Variants in CACNB3 observed in about 807,000 individuals in gnomAD.
CACNB3 encodes calcium voltage-gated channel auxiliary subunit beta 3, also known as voltage-dependent L-type calcium channel subunit beta-3.
CACNB3 carries 36 observed loss-of-function variants against 63.7 expected under a neutral mutation model. The ratio of observed to expected loss-of-function variants is 0.57; its 90% confidence interval spans 0.43 to 0.75. The LOEUF (loss-of-function observed/expected upper bound fraction) is 0.75. Among genes scored for constraint, CACNB3 ranks in the 30% least tolerant of loss-of-function variants. The probability of loss-of-function intolerance (pLI) is 0.00; values close to 1 mark genes in which losing one functional copy is unlikely to be tolerated. For missense variants in CACNB3, 493 were observed against 648.6 expected, an observed-to-expected ratio of 0.76 and a Z score of 2.61; for synonymous variants, 241 against 250.6, an observed-to-expected ratio of 0.96 and a Z score of 0.36.
chr12:48,816,378 G>A (rs911730263), upstream of CACNB3, among the ~76,000 whole-genome samples: 1 of 152,134 alleles, frequency 6.6e-6, no homozygotes, highest in African/African-American at 2.4e-5. Context: ...CCTCTCCCCT[G>A]ATCCTTTATT....
rs370053895 is a variant in CACNB3, at chr12:48,823,360, A to G, written c.62A>G (p.Tyr21Cys). Residue 21 changes from tyrosine to cysteine, a missense_variant, in exon 2 of 13, where the codon TAC becomes TGC. Coordinates refer to ENST00000301050, the MANE Select transcript of CACNB3 (RefSeq NM_000725.4). The surrounding 1 kb of genome is among the most constrained non-coding windows in gnomAD (Gnocchi z 4.2). ...EDSEAGSADSYTSRPSLDSDV... is the reference protein window; with the variant it reads ...EDSEAGSADSCTSRPSLDSDV... ...CCAACCCAGGGTTCAGCCGACTCCTACACCAGCCGCCCATCTCTGGACTCA... is the reference window on the plus strand; with the variant it reads ...CCAACCCAGGGTTCAGCCGACTCCTGCACCAGCCGCCCATCTCTGGACTCA... The G allele has an allele frequency of 1.2e-5, 20 of 1,614,100 alleles. No individual in the cohort carries two copies. The African/African-American group carries it at 2.4e-4, about 19-fold the overall frequency.
chr12:48,822,457 C>T (rs1326682776), intron 1 of CACNB3, among the ~76,000 whole-genome samples: 2 of 152,196 alleles, frequency 1.3e-5, no homozygotes, highest in Non-Finnish European at 2.9e-5. Flanking sequence ...GTTACCCCCT[C>T]CCCACATCCC....
At chr12:48,822,893 G>A (rs111722676) in intron 1 of CACNB3, among the ~76,000 whole-genome samples, 2 of 152,156 alleles carry the variant, frequency 1.3e-5, no homozygotes, top group African/African-American at 4.8e-5. Context: ...TGACTGTTGC[G>A]GCTGGCTGGA....
Position 48,824,695 on chromosome 12 carries a change from G to A in CACNB3, c.434G>A (p.Ser145Asn). The A allele has an allele frequency of 6.2e-7, 1 of 1,613,808 alleles. No homozygotes were observed. Among genetic ancestry groups the A allele is most frequent in the Non-Finnish European group, 8.5e-7 (1 of 1,179,984 alleles). The change falls in exon 5 of 13, where the codon AGT (serine) becomes AAT (asparagine). Residue 145 changes from serine to asparagine, a missense_variant. Coordinates refer to ENST00000301050, the MANE Select transcript of CACNB3 (RefSeq NM_000725.4). Reference protein sequence around the residue: ...ARRSGNPSSLSDIGNRRSPPP... With the variant: ...ARRSGNPSSLNDIGNRRSPPP... ...AGATCTGGGAACCCTTCCAGCCTGA[G>A]TGACATTGGCAACCGACGCTCCCCT...
chr12:48,824,846 G>T (rs1043727392), intron 5 of CACNB3, 103 bp from the exon 6 acceptor site: 125 of 1,527,630 alleles, frequency 8.2e-5, no homozygotes, highest in Non-Finnish European at 1.0e-4. Context: ...GGATTGGAAG[G>T]GGTGGGGAGA....
In CACNB3 at chr12:48,828,326, A is replaced by G; in HGVS notation, c.*427A>G. On this transcript the variant is annotated 3_prime_UTR_variant, in exon 13 of 13. Coordinates refer to ENST00000301050, the MANE Select transcript of CACNB3 (RefSeq NM_000725.4). ...AGAAACAAGGTCCCTGAGCAGGCACAAGTCCTGACAGTCAAGGGACTGCTT... is the reference window on the plus strand; with the variant it reads ...AGAAACAAGGTCCCTGAGCAGGCACGAGTCCTGACAGTCAAGGGACTGCTT... The G allele has an allele frequency of 3.3e-6, 1 of 306,280 alleles. No individual in the cohort carries two copies. Among genetic ancestry groups the G allele is most frequent in the Admixed American group, 4.3e-5 (1 of 23,424 alleles). 19.0% of individuals were successfully genotyped at this position (306,280 alleles called of 1,614,324 possible).
At chr12:48,817,814 T>TC (rs986756413), upstream of CACNB3, 8 of 152,298 alleles carry the variant, frequency 5.3e-5, no homozygotes, top group African/African-American at 1.9e-4. Flanking sequence ...CTGGCTTCTT[T>TC]CCCCTTCCCT....
In CACNB3 at chr12:48,825,675, A is replaced by C. The variant is rs774979566; in HGVS notation, c.648A>C (p.Arg216=). Reference sequence around the variant, plus strand: ...CCCACCCCAGGATCTCCATCACCCGAGTCACAGCCGACCTCTCCCTGGCAA... The same window carrying C: ...CCCACCCCAGGATCTCCATCACCCGCGTCACAGCCGACCTCTCCCTGGCAA... ...HRFDGRISIT[R]VTADLSLAKR... The change falls in exon 9 of 13, where the codon CGA becomes CGC. Residue 216 remains arginine, a synonymous_variant. Transcript: ENST00000301050. This position sits in a 1 kb window ranked among gnomAD's most constrained non-coding sequence, Gnocchi z 4.5. The C allele has an allele frequency of 1.9e-6, 3 of 1,614,108 alleles. No homozygotes were observed. In the South Asian group the frequency reaches 3.3e-5, roughly 18 times the overall value.
Position 48,823,328 on chromosome 12 carries a change from C to T in CACNB3, c.46-16C>T. On this transcript the variant is annotated splice_polypyrimidine_tract_variant and intron_variant, in intron 1 of 12. Transcript: ENST00000301050. This position sits in a 1 kb window ranked among gnomAD's most constrained non-coding sequence, Gnocchi z 4.2. ...CATGCCGGAGCCTGGGAGTCACAGCCTCTTTCCCAACCCAGGGTTCAGCCG... is the reference window on the plus strand; with the variant it reads ...CATGCCGGAGCCTGGGAGTCACAGCTTCTTTCCCAACCCAGGGTTCAGCCG... The T allele has an allele frequency of 6.2e-7, 1 of 1,612,498 alleles. No homozygotes were observed. Among genetic ancestry groups the T allele is most frequent in the South Asian group, 1.1e-5 (1 of 90,868 alleles).
chr12:48,824,099 C>G, intron 3 of CACNB3, 159 bp from the exon 4 acceptor site: 1 of 713,334 alleles, frequency 1.4e-6, no homozygotes, highest in South Asian at 1.9e-5. Context: ...GTGGCCCGAA[C>G]TTGGCTGTCC....
At position 48,824,690 on chromosome 12, in the gene CACNB3, C is replaced by T. The variant is rs1408321726; in HGVS notation, c.429C>T (p.Ser143=). 1 of 1,613,846 alleles carries T rather than the reference C, an allele frequency of 6.2e-7. No individual in the cohort carries two copies. The highest frequency in any genetic ancestry group is 8.5e-7 in the Non-Finnish European group (1 of 1,179,968). Reference sequence around the variant, plus strand: ...TCAGGAGATCTGGGAACCCTTCCAGCCTGAGTGACATTGGCAACCGACGCT... The same window carrying T: ...TCAGGAGATCTGGGAACCCTTCCAGTCTGAGTGACATTGGCAACCGACGCT... ...QKARRSGNPS[S]LSDIGNRRSP... is the part of the protein sequence containing the mutation. Residue 143 remains serine (S), a synonymous_variant, in exon 5 of 13, where the codon AGC becomes AGT. Coordinates refer to ENST00000301050, the MANE Select transcript of CACNB3 (RefSeq NM_000725.4).
chr12:48,818,232 C>T (rs1404077239), upstream of CACNB3, among the ~76,000 whole-genome samples: 2 of 152,118 alleles, frequency 1.3e-5, no homozygotes, highest in Non-Finnish European at 2.9e-5. The surrounding 1 kb of genome is among the most constrained non-coding windows in gnomAD (Gnocchi z 4.3). Flanking sequence ...TCCCGCGCCT[C>T]TTCTGTCTCC....
chr12:48,826,871 G>A lies in CACNB3; in HGVS notation c.990+17G>A, dbSNP rs1310440096. 1 of 1,613,006 alleles carries A rather than the reference G, an allele frequency of 6.2e-7. No individual in the cohort carries two copies. Among genetic ancestry groups the A allele is most frequent in the East Asian group, 2.2e-5 (1 of 44,876 alleles). On this transcript the variant is annotated intron_variant, in intron 11 of 12. Coordinates refer to ENST00000301050, the MANE Select transcript of CACNB3 (RefSeq NM_000725.4). The surrounding 1 kb of genome is among the most constrained non-coding windows in gnomAD (Gnocchi z 4.8). ...TGCCCACCGGTGAGTGCCTGGGTCA[G>A]CTGCTCCTGTGCCCACTCCCCCAGG...
In CACNB3 at chr12:48,827,036, G is replaced by A. The variant is rs749233801; in HGVS notation, c.1053G>A (p.Glu351=). The part of the protein sequence containing the change: ...QLEDACEHLA[E]YLEVYWRATH... ...AGGATGCCTGTGAGCACCTGGCTGA[G>A]TACCTGGAGGTTTACTGGCGGGCCA... The change falls in exon 12 of 13, where the codon GAG becomes GAA. Residue 351 remains glutamate, a synonymous_variant. Coordinates refer to ENST00000301050, the MANE Select transcript of CACNB3 (RefSeq NM_000725.4). 41 of 1,613,974 alleles carry A rather than the reference G, an allele frequency of 2.5e-5. No individual in the cohort carries two copies. In the East Asian group the frequency reaches 8.0e-4, roughly 32 times the overall value.
chr12:48,824,824 G>A (rs1461486083), intron 5 of CACNB3, 91 bp downstream of exon 5: 1 of 1,541,324 alleles, frequency 6.5e-7, no homozygotes. Flanking sequence ...TGTGTGGGAA[G>A]GGTTTGTGGA....
rs369359075 is a variant in CACNB3, at chr12:48,823,419, C to T, written c.121C>T (p.Arg41Trp). ...VSLEEDRESA[R>W]REVESQAQQQ... Reference sequence around the variant, plus strand: ...CCTGGAGGAGGACCGGGAGAGTGCCCGGCGTGAAGTAGAGAGCCAGGCTCA... The same window carrying T: ...CCTGGAGGAGGACCGGGAGAGTGCCTGGCGTGAAGTAGAGAGCCAGGCTCA... The change falls in exon 2 of 13, where the codon CGG (arginine) becomes TGG (tryptophan). Residue 41 changes from arginine (R) to tryptophan (W), a missense_variant. Physicochemically the swap from Arg to Trp is moderately radical, Grantham distance 101 (BLOSUM62 -3). Coordinates refer to ENST00000301050, the MANE Select transcript of CACNB3 (RefSeq NM_000725.4). This position sits in a 1 kb window ranked among gnomAD's most constrained non-coding sequence, Gnocchi z 4.2. 9.3e-6 allele frequency: 15 copies of T among 1,613,948 alleles called. No homozygotes were observed. Among genetic ancestry groups the T allele is most frequent in the Admixed American group, 5.0e-5 (3 of 59,994 alleles).
chr12:48,822,196 T>C (rs76108647), intron 1 of CACNB3, among the ~76,000 whole-genome samples: 1 of 152,122 alleles, frequency 6.6e-6, no homozygotes, highest in East Asian at 1.9e-4. Flanking sequence ...CTCAGAATTG[T>C]GGGAAGTATC....
rs1174821027 is a variant in CACNB3, at chr12:48,826,586, T to C, written c.894+68T>C. On this transcript the variant is annotated intron_variant, in intron 10 of 12. Transcript: ENST00000301050. The surrounding 1 kb of genome is among the most constrained non-coding windows in gnomAD (Gnocchi z 4.8). ...TACTAGAATGTGGCATGATTCTACT[T>C]GGTCCCTGCCTGGGGCACCTGAGTT... 1 of 1,591,332 alleles carries C rather than the reference T, an allele frequency of 6.3e-7. No homozygotes were observed. The highest frequency in any genetic ancestry group is 1.3e-5 in the African/African-American group (1 of 74,386).
chr12:48,819,005 G>C (rs1167702825), intron 1 of CACNB3, 31 bp downstream of exon 1: 1 of 1,595,698 alleles, frequency 6.3e-7, no homozygotes, highest in Non-Finnish European at 8.5e-7. Context: ...TGGGGGCGGG[G>C]AAGTTGGGGT....
Sources: allele counts gnomAD v4.1 joint callset (sites outside exome capture counted in the v4.1 genomes callset), GRCh38; gene constraint gnomAD v4.1.1; non-coding constraint Gnocchi (gnomAD v3.1); transcripts MANE v1.5; gene names NCBI Gene and HGNC (gene_info 2026-07-23, HGNC 2026-07-21).